Variants in INCENP observed in about 807,000 individuals in gnomAD.
INCENP encodes the protein binds and activates aurora-B and -C in vivo and in vitro.
In INCENP, 43 loss-of-function variants were observed where a neutral mutation model predicts 107.3. The observed-to-expected ratio is 0.40, with a 90% confidence interval of 0.31 to 0.52. The LOEUF is 0.52. Ranked by LOEUF, INCENP falls within the 20% of genes least tolerant of loss-of-function variation. INCENP has a pLI of 0.53. For synonymous variants in INCENP, 488 were observed against 494.4 expected (o/e 0.99, Z 0.17); for missense variants, 1,089 against 1,250.9 (o/e 0.87, Z 1.95).
Position 62,138,660 on chromosome 11 carries a change from G to A in INCENP, c.1116-53G>A, listed in dbSNP as rs769027116. 9.0e-5 allele frequency: 140 copies of A among 1,563,204 alleles called. 1 individual carries two copies. The highest frequency in any genetic ancestry group is 3.1e-4 in the East Asian group (14 of 44,596). On this transcript the variant is annotated intron_variant, in intron 5 of 18. Transcript: ENST00000394818. ...GGAATGGTAGAGGGACTCCCTAGGG[G>A]GAGGGCTTGGACTAGCTGGGCAGTC...
chr11:62,152,409 A>G lies in INCENP; in HGVS notation c.*433A>G, dbSNP rs1415724945. 3.0e-5 allele frequency: 6 copies of G among 196,954 alleles called. No homozygotes were observed. The highest frequency in any genetic ancestry group is 4.7e-5 in the African/African-American group (2 of 42,308). The allele number at this position is 196,954 out of a possible 1,614,324, so 12.2% of individuals were successfully genotyped here. ...TCTTGGGCCACCAGTGGCCTGCAGG[A>G]CGAAGGTACTGTTCCATCACCTGCG... is the stretch of plus-strand genomic sequence containing the variant. On this transcript the variant is annotated 3_prime_UTR_variant, in exon 19 of 19. Transcript: ENST00000394818.
At chr11:62,126,247 G>C (rs1943747125) in intron 1 of INCENP, among the ~76,000 whole-genome samples, 1 of 150,224 alleles carries the variant, frequency 6.7e-6, no homozygotes, top group Non-Finnish European at 1.5e-5. Flanking sequence ...CTGGGCTGGA[G>C]TGCAGTGGTG....
At position 62,141,052 on chromosome 11, in the gene INCENP, G is replaced by T. The variant is rs73499250; in HGVS notation, c.1593+8G>T. On this transcript the variant is annotated splice_region_variant and intron_variant, in intron 10 of 18. Transcript: ENST00000394818. ...CTGCGCATGGACCCCAAGGTGAGGG[G>T]CCTGTGCCCAGGCCGGGCTTTGTGG... The T allele has an allele frequency of 0.044, 70,921 of 1,611,600 alleles. 1,677 individuals carry two copies. The highest frequency in any genetic ancestry group is 0.049 in the Non-Finnish European group (58,022 of 1,178,838).
intron 18 of INCENP, 46 bp from the exon 19 acceptor site, chr11:62,151,716 T>A (rs1213835549): frequency 1.3e-6 from 2 of 1,537,356 alleles, no homozygotes; most frequent in African/African-American, 2.7e-5. Flanking sequence ...GATGGGGAGG[T>A]TCATGGAGAG....
At chr11:62,141,446 G>A (rs1396401724) in intron 10 of INCENP, 54 bp from the exon 11 acceptor site, 12 of 1,613,342 alleles carry the variant, frequency 7.4e-6, no homozygotes. Context: ...CTGCCCGGCA[G>A]GATGCTCCCC....
At chr11:62,131,099 A>AT (rs1182758464) in intron 4 of INCENP, among the ~76,000 whole-genome samples, 2 of 152,152 alleles carry the variant, frequency 1.3e-5, no homozygotes, top group Non-Finnish European at 2.9e-5. Context: ...GGAGGAGGGA[A>AT]TTATGGCAGC....
intron 1 of INCENP, among the ~76,000 whole-genome samples, chr11:62,124,965 G>A (rs1441729724): frequency 6.6e-6 from 1 of 152,260 alleles, no homozygotes; most frequent in African/African-American, 2.4e-5. Flanking sequence ...ACAGAGGTGT[G>A]GTAGGCGCCC....
chr11:62,127,173 A>G (rs1943770223), intron 1 of INCENP, among the ~76,000 whole-genome samples: 1 of 151,906 alleles, frequency 6.6e-6, no homozygotes, highest in African/African-American at 2.4e-5. Context: ...AGTAGCTGGG[A>G]TTACAGGCGC....
chr11:62,138,740 G>A lies in INCENP; in HGVS notation c.1143G>A (p.Glu381=). 6.2e-7 allele frequency: 1 copy of A among 1,614,136 alleles called. No homozygotes were observed. The highest frequency in any genetic ancestry group is 8.5e-7 in the Non-Finnish European group (1 of 1,180,006). The part of the protein sequence containing the change: ...VGSEQKEPPE[E]AEPVAAAEPE... ...CTGAGCAGAAGGAACCCCCCGAGGA[G>A]GCTGAGCCTGTGGCGGCAGCTGAGC... Residue 381 remains glutamate, a synonymous_variant, in exon 6 of 19, where the codon GAG becomes GAA. Transcript: ENST00000394818.
chr11:62,144,858 A>T (rs1481316534), intron 11 of INCENP, 124 bp from the exon 12 acceptor site: 1 of 876,754 alleles, frequency 1.1e-6, no homozygotes, highest in Non-Finnish European at 1.9e-6. Flanking sequence ...ACCTCTGCCT[A>T]AGAAGCATTC....
chr11:62,149,889 T>A (rs1944336045), intron 17 of INCENP, among the ~76,000 whole-genome samples, 168 bp from the exon 18 acceptor site: 1 of 152,016 alleles, frequency 6.6e-6, no homozygotes, highest in South Asian at 2.1e-4. Context: ...ACCACTGCAC[T>A]CCAGCCTGGG....
intron 8 of INCENP, among the ~76,000 whole-genome samples, 194 bp from the exon 9 acceptor site, chr11:62,140,510 C>G (rs1944091950): frequency 6.6e-6 from 1 of 152,174 alleles, no homozygotes; most frequent in Non-Finnish European, 1.5e-5. Context: ...AGTGTGGTCT[C>G]CTGGCCATGT....
chr11:62,150,293 G>A (rs1436418707), intron 18 of INCENP, 86 bp downstream of exon 18: 1 of 1,437,580 alleles, frequency 7.0e-7, no homozygotes, highest in Non-Finnish European at 9.6e-7. Flanking sequence ...GTTGGCTGCT[G>A]CGGTGTTGGG....
At position 62,141,710 on chromosome 11, in the gene INCENP, C is replaced by T. The variant is rs990227134; in HGVS notation, c.1605+199C>T. The stretch of plus-strand genomic sequence containing the variant: ...TTCTGGGCCCCAGCGTCCTTCTCTG[C>T]CCTCCCTGCCCTTGACTCTGCTCTT... On this transcript the variant is annotated intron_variant, in intron 11 of 18. Transcript: ENST00000394818. 3 of 697,174 alleles carry T rather than the reference C, an allele frequency of 4.3e-6. No individual in the cohort carries two copies. The African/African-American group carries it at 5.3e-5, about 12-fold the overall frequency. The allele number at this position is 697,174 out of a possible 1,614,324, so 43.2% of individuals were successfully genotyped here. A position where few individuals can be genotyped will look rare whatever the true frequency, so the allele number is the denominator to read the frequency against.
At chr11:62,129,630 A>G (rs1174671978) in intron 3 of INCENP, 152 bp from the exon 4 acceptor site, 10 of 647,192 alleles carry the variant, frequency 1.5e-5, no homozygotes, top group East Asian at 1.1e-4. Flanking sequence ...CTGGGGCCTC[A>G]TGGCTAGAGG....
intron 11 of INCENP, 116 bp from the exon 12 acceptor site, chr11:62,144,866 T>G: frequency 1.1e-6 from 1 of 924,900 alleles, no homozygotes; most frequent in Non-Finnish European, 1.8e-6. Context: ...CTAAGAAGCA[T>G]TCTGATGCTG....
chr11:62,125,798 G>A (rs1943736209), intron 1 of INCENP, among the ~76,000 whole-genome samples: 1 of 152,236 alleles, frequency 6.6e-6, no homozygotes, highest in African/African-American at 2.4e-5. Context: ...GGCATTCAAC[G>A]ATGAGCAAGA....
chr11:62,143,015 G>A (rs899223077), intron 11 of INCENP, among the ~76,000 whole-genome samples: 24 of 135,650 alleles, frequency 1.8e-4, no homozygotes, highest in Non-Finnish European at 4.9e-5. Flanking sequence ...AGGGCCACCT[G>A]CCAGGGGGAC....
intron 4 of INCENP, among the ~76,000 whole-genome samples, chr11:62,136,603 C>T (rs920025505): frequency 6.6e-6 from 1 of 152,104 alleles, no homozygotes; most frequent in Non-Finnish European, 1.5e-5. Context: ...ATCCCTTGAA[C>T]CCATGAGGTG....
Sources: allele counts gnomAD v4.1 joint callset (sites outside exome capture counted in the v4.1 genomes callset), GRCh38; gene constraint gnomAD v4.1.1; transcripts MANE v1.5; gene names NCBI Gene and HGNC (gene_info 2026-07-23, HGNC 2026-07-21).